PRKN: variants seen among roughly 807,000 people sequenced by gnomAD.
PRKN encodes parkin RBR E3 ubiquitin protein ligase, also known as E3 ubiquitin-protein ligase parkin.
A neutral mutation model predicts 59.5 loss-of-function variants in PRKN; 56 were observed. That is an observed-to-expected ratio of 0.94 (90% CI 0.76 to 1.18). The LOEUF is 1.18. PRKN is among the 50% of genes most tolerant of loss of function. The probability of loss-of-function intolerance (pLI) is 0.00; values close to 1 mark genes in which losing one functional copy is unlikely to be tolerated. For synonymous variants in PRKN, 250 were observed against 222.1 expected, an observed-to-expected ratio of 1.13 and a Z score of -1.12; for missense variants, 657 against 596.4, an observed-to-expected ratio of 1.10 and a Z score of -1.06.
chr6:161,493,243 T>C (rs1214720572), intron 9 of PRKN, among the ~76,000 whole-genome samples: 1 of 152,214 alleles, frequency 6.6e-6, no homozygotes, highest in Non-Finnish European at 1.5e-5. Flanking sequence ...ACAATCTTTA[T>C]TGAATGTTCT....
intron 1 of PRKN, among the ~76,000 whole-genome samples, chr6:162,640,757 G>A (rs564918717): frequency 1.3e-5 from 2 of 152,292 alleles, no homozygotes; most frequent in East Asian, 1.9e-4. Context: ...TTGTAAGGCT[G>A]TGCTTGACAA....
intron 3 of PRKN, among the ~76,000 whole-genome samples, chr6:162,230,680 G>T (rs1778383069): frequency 6.6e-6 from 1 of 152,182 alleles, no homozygotes. Context: ...GAGGGTCACA[G>T]AAATCTAATA....
intron 4 of PRKN, among the ~76,000 whole-genome samples, chr6:162,121,495 A>C (rs1350433202): frequency 6.6e-6 from 1 of 152,188 alleles, no homozygotes; most frequent in African/African-American, 2.4e-5. Flanking sequence ...CCCATTTATC[A>C]AGAAATGTGT....
chr6:162,654,261 C>T (rs527678474), intron 1 of PRKN, among the ~76,000 whole-genome samples: 1 of 152,308 alleles, frequency 6.6e-6, no homozygotes, highest in Non-Finnish European at 1.5e-5. Flanking sequence ...TGTTCATACA[C>T]ATGTTTTTAA....
At chr6:162,057,107 G>A (rs1777899288) in intron 4 of PRKN, among the ~76,000 whole-genome samples, 1 of 152,108 alleles carries the variant, frequency 6.6e-6, no homozygotes, top group African/African-American at 2.4e-5. Context: ...CATAGGATTG[G>A]TGATCAAGGC....
At position 161,361,306 on chromosome 6, in the gene PRKN, A is replaced by C. The variant is rs1339335784; in HGVS notation, c.1168-1101T>G. On this transcript the variant is annotated intron_variant, in intron 10 of 11. Coordinates refer to ENST00000366898, the MANE Select transcript of PRKN (RefSeq NM_004562.3). This position sits in a 1 kb window ranked among gnomAD's most constrained non-coding sequence, Gnocchi z 5.2. The stretch of plus-strand genomic sequence containing the variant: ...ACTGCATTTAATAGTTTCTTTAGGA[A>C]TTAGTGTTCATGTTTCTGTTATTTC... Among the ~76,000 whole-genome samples, 1 of 152,218 alleles carries C rather than the reference A, an allele frequency of 6.6e-6. No individual in the cohort carries two copies. The highest frequency in any genetic ancestry group is 2.4e-5 in the African/African-American group (1 of 41,464).
At chr6:161,384,521 C>G (rs566290472) in intron 10 of PRKN, among the ~76,000 whole-genome samples, 91 of 152,306 alleles carry the variant, frequency 6.0e-4, no homozygotes, top group Non-Finnish European at 1.0e-3. Flanking sequence ...CCAGCCTGGG[C>G]AACACAGTGA....
intron 3 of PRKN, among the ~76,000 whole-genome samples, chr6:162,212,525 C>A (rs1785248084): frequency 6.6e-6 from 1 of 152,134 alleles, no homozygotes; most frequent in South Asian, 2.1e-4. Context: ...ATTGTCTCTG[C>A]CTAAAGAAGA....
intron 5 of PRKN, among the ~76,000 whole-genome samples, chr6:162,038,527 C>A (rs1465622533): frequency 6.6e-6 from 1 of 152,136 alleles, no homozygotes; most frequent in African/African-American, 2.4e-5. Context: ...CCTAGGGTTG[C>A]AAAGGTTTCA....
At position 161,765,565 on chromosome 6, in the gene PRKN, T is replaced by C. The variant is rs532511169; in HGVS notation, c.871+20207A>G. On this transcript the variant is annotated intron_variant, in intron 7 of 11. Transcript: ENST00000366898. The stretch of plus-strand genomic sequence containing the variant: ...ACTTTATAGGTAATTACTCCTTCTA[T>C]TGATATGATGATAGCTACAGAAGCT... Among the ~76,000 whole-genome samples, 10 of 152,262 alleles carry C rather than the reference T, an allele frequency of 6.6e-5. No individual in the cohort carries two copies. In the East Asian group the frequency reaches 9.6e-4, roughly 15 times the overall value.
At chr6:162,526,029 G>A (rs995278979) in intron 1 of PRKN, among the ~76,000 whole-genome samples, 2 of 151,962 alleles carry the variant, frequency 1.3e-5, no homozygotes, top group Non-Finnish European at 2.9e-5. Context: ...TTCTTGTAAA[G>A]CTGGGGTTTC....
chr6:162,706,498 G>T (rs1249056390), intron 1 of PRKN, among the ~76,000 whole-genome samples: 1 of 152,180 alleles, frequency 6.6e-6, no homozygotes. Context: ...TGTTAGGAAA[G>T]AAATAAGAGA....
At chr6:162,179,449 C>T (rs1033639443) in intron 4 of PRKN, among the ~76,000 whole-genome samples, 5 of 152,268 alleles carry the variant, frequency 3.3e-5, no homozygotes, top group Middle Eastern at 3.4e-3. Context: ...GCAGAGCCAC[C>T]GGCAGCTGCT....
intron 2 of PRKN, among the ~76,000 whole-genome samples, chr6:162,402,248 CAAAA>C (rs3081921): frequency 5.6e-5 from 7 of 125,042 alleles, no homozygotes; most frequent in Admixed American, 8.2e-5. Context: ...GACTCTGTCT[CAAAA>C]AAAAAAAAAA....
intron 9 of PRKN, among the ~76,000 whole-genome samples, chr6:161,509,378 G>T (rs931167172): frequency 6.6e-6 from 1 of 152,026 alleles, no homozygotes; most frequent in Non-Finnish European, 1.5e-5. Flanking sequence ...AAAAAGAATG[G>T]CAAAGCCTCG....
At position 161,502,816 on chromosome 6, in the gene PRKN, A is replaced by AT. The variant is rs1266036641; in HGVS notation, c.1083+46037dup. ...TGGGAAGGACAGGTGTGGAATGGTTATAAGTACATGCTCTGGAGTAGAAGG... is the reference window on the plus strand; with the variant it reads ...TGGGAAGGACAGGTGTGGAATGGTTATTAAGTACATGCTCTGGAGTAGAAGG... On this transcript the variant is annotated intron_variant, in intron 9 of 11. Coordinates refer to ENST00000366898, the MANE Select transcript of PRKN (RefSeq NM_004562.3). The surrounding 1 kb of genome is among the most constrained non-coding windows in gnomAD (Gnocchi z 4.0). Among the ~76,000 whole-genome samples, 5 of 152,194 alleles carry AT rather than the reference A, an allele frequency of 3.3e-5. No homozygotes were observed. The highest frequency in any genetic ancestry group is 1.2e-4 in the African/African-American group (5 of 41,454).
intron 4 of PRKN, among the ~76,000 whole-genome samples, chr6:162,173,057 G>A (rs1783361604): frequency 6.6e-6 from 1 of 152,128 alleles, no homozygotes; most frequent in African/African-American, 2.4e-5. Flanking sequence ...AAACTGGGGG[G>A]CAGAGGTGAA....
intron 7 of PRKN, among the ~76,000 whole-genome samples, chr6:161,707,729 A>T (rs1308155958): frequency 8.2e-6 from 1 of 121,808 alleles, no homozygotes; most frequent in African/African-American, 3.5e-5. Flanking sequence ...GTACTCTAAG[A>T]TCAGACTTTC....
chr6:161,585,462 T>C (rs1781488109), intron 7 of PRKN, among the ~76,000 whole-genome samples: 1 of 152,206 alleles, frequency 6.6e-6, no homozygotes, highest in East Asian at 1.9e-4. Flanking sequence ...CAGATAGATA[T>C]GTCATACCAA....
Sources: gnomAD v4.1 joint callset for allele counts (sites outside exome capture counted in the v4.1 genomes callset) on GRCh38, gnomAD v4.1.1 for gene constraint, Gnocchi (gnomAD v3.1) non-coding constraint, MANE v1.5 for transcripts, NCBI Gene and HGNC (gene_info 2026-07-23, HGNC 2026-07-21) for gene names.